RNF24: variants seen among roughly 807,000 people sequenced by gnomAD.
RNF24 encodes ring finger protein 24.
A neutral mutation model predicts 20.0 loss-of-function variants in RNF24; 14 were observed. The observed-to-expected ratio is 0.70, with a 90% CI of 0.46 to 1.10. The LOEUF (loss-of-function observed/expected upper bound fraction) is 1.10, where lower values mean the gene tolerates loss of function less well. RNF24 is among the 50% of genes least tolerant of loss of function. The probability of loss-of-function intolerance (pLI) is 0.00; values close to 1 mark genes in which losing one functional copy is unlikely to be tolerated. For synonymous variants in RNF24, 45 were observed against 61.1 expected (o/e 0.74, Z 1.23); for missense variants, 124 against 177.6 (o/e 0.70, Z 1.71).
At chr20:3,979,320 T>G (rs1451355199) in intron 1 of RNF24, among the ~76,000 whole-genome samples, 2 of 151,896 alleles carry the variant, frequency 1.3e-5, no homozygotes, top group Non-Finnish European at 2.9e-5. Context: ...TAAAATTAAC[T>G]CAACAATAAA....
chr20:3,967,973 CAAAAAAAAAAAAAAAA>C, intron 1 of RNF24, among the ~76,000 whole-genome samples: 1 of 77,180 alleles, frequency 1.3e-5, no homozygotes, highest in East Asian at 3.4e-4. Context: ...AGCCTGGCAA[CAAAAAAAAAAAAAAAA>C]AAAAAAGAAA....
chr20:3,964,694 T>A (rs982903687), intron 1 of RNF24, among the ~76,000 whole-genome samples: 15 of 152,148 alleles, frequency 9.9e-5, no homozygotes, highest in Non-Finnish European at 1.5e-4. Flanking sequence ...AGCTAATTTT[T>A]AAAAATTTTT....
intron 1 of RNF24, among the ~76,000 whole-genome samples, chr20:3,988,477 T>A (rs1980128357): frequency 1.1e-5 from 1 of 92,490 alleles, no homozygotes; most frequent in East Asian, 2.6e-4. Flanking sequence ...TTTTTTTTTT[T>A]GAGACATGGT....
At chr20:3,954,689 G>A (rs1395692102) in intron 2 of RNF24, among the ~76,000 whole-genome samples, 1 of 152,024 alleles carries the variant, frequency 6.6e-6, no homozygotes, top group African/African-American at 2.4e-5. Context: ...TGGATCATGA[G>A]GTCAGGAGTT....
chr20:3,974,394 G>A (rs748081645), intron 1 of RNF24: 2 of 1,547,428 alleles, frequency 1.3e-6, no homozygotes, highest in East Asian at 2.4e-5. Context: ...ACATAGTGCT[G>A]GAAGTTCTAG....
At chr20:4,004,663 C>T (rs1981700942) in intron 1 of RNF24, among the ~76,000 whole-genome samples, 1 of 152,118 alleles carries the variant, frequency 6.6e-6, no homozygotes, top group Non-Finnish European at 1.5e-5. Flanking sequence ...TGTGGAATCA[C>T]CAAAACCTGG....
At chr20:3,959,901 C>T (rs2091183317) in intron 2 of RNF24, among the ~76,000 whole-genome samples, 1 of 152,156 alleles carries the variant, frequency 6.6e-6, no homozygotes, top group Admixed American at 6.5e-5. Context: ...TGAGATATAA[C>T]AAACACAACA....
chr20:3,985,987 C>T (rs1400448990), intron 1 of RNF24, among the ~76,000 whole-genome samples: 1 of 152,116 alleles, frequency 6.6e-6, no homozygotes, highest in Admixed American at 6.5e-5. Flanking sequence ...TGGTCTTGAA[C>T]TCCTGACCTC....
intron 1 of RNF24, among the ~76,000 whole-genome samples, chr20:3,983,131 A>G (rs1276655954): frequency 6.6e-6 from 1 of 152,158 alleles, no homozygotes; most frequent in Non-Finnish European, 1.5e-5. Context: ...GGCTTCTAGA[A>G]CTGTGAGAAA....
intron 1 of RNF24, among the ~76,000 whole-genome samples, chr20:3,978,371 T>C (rs1979082104): frequency 8.4e-6 from 1 of 119,436 alleles, no homozygotes; most frequent in South Asian, 3.4e-4. Context: ...AAAAAATTAA[T>C]GTATATTTCA....
intron 4 of RNF24, among the ~76,000 whole-genome samples, chr20:3,944,209 C>CA (rs58334745): frequency 0.18 from 19,670 of 109,160 alleles, 1,658 homozygotes; most frequent in Non-Finnish European, 0.21. Flanking sequence ...GACCCCGTCT[C>CA]AAAAAAAAAA....
At chr20:3,991,247 C>CTTTTT (rs10599625) in intron 1 of RNF24, among the ~76,000 whole-genome samples, 1 of 82,780 alleles carries the variant, frequency 1.2e-5, no homozygotes. Flanking sequence ...TTTTAAACAA[C>CTTTTT]TTTTTTTTTT....
intron 2 of RNF24, among the ~76,000 whole-genome samples, chr20:3,949,736 A>G (rs570230595): frequency 6.6e-6 from 1 of 152,286 alleles, no homozygotes; most frequent in South Asian, 2.1e-4. Context: ...AGTTTATGAG[A>G]GTTCTAGGTG....
intron 2 of RNF24, among the ~76,000 whole-genome samples, chr20:3,962,456 G>A (rs2091212601): frequency 6.6e-6 from 1 of 152,060 alleles, no homozygotes; most frequent in Admixed American, 6.5e-5. Context: ...ATTAAATGCT[G>A]CAGCAAGTAT....
At chr20:3,974,670 G>T (rs761024397) in intron 1 of RNF24, among the ~76,000 whole-genome samples, 1 of 151,890 alleles carries the variant, frequency 6.6e-6, no homozygotes, top group Non-Finnish European at 1.5e-5. Flanking sequence ...TTCAAAAAAA[G>T]AAATACAAAG....
chr20:3,972,247 A>G (rs1978410606), intron 1 of RNF24, among the ~76,000 whole-genome samples: 1 of 152,256 alleles, frequency 6.6e-6, no homozygotes, highest in African/African-American at 2.4e-5. Context: ...ACAACTAGAT[A>G]GAAAACCAGC....
intron 3 of RNF24, among the ~76,000 whole-genome samples, chr20:3,947,660 A>G (rs1030789141): frequency 1.3e-5 from 2 of 152,224 alleles, no homozygotes; most frequent in Non-Finnish European, 2.9e-5. Flanking sequence ...TAAGAATTAC[A>G]AGCTATAGCA....
In RNF24 at chr20:3,975,780, T is replaced by A. The variant is rs74507587; in HGVS notation, c.-7-11756A>T. 6.3e-3 allele frequency among the ~76,000 whole-genome samples: 952 copies of A among 151,990 alleles called. 5 individuals are homozygous for A. The highest frequency in any genetic ancestry group is 9.3e-3 in the Non-Finnish European group (629 of 67,982). On this transcript the variant is annotated intron_variant, in intron 1 of 5. Transcript: ENST00000358395. ...CAGGAGGAGAGAATGCTGAGTGATA[T>A]AAGAAGCAGAGACTGAAGGATTGCT... is the stretch of plus-strand genomic sequence containing the variant.
At chr20:3,972,554 A>G (rs991410221) in intron 1 of RNF24, among the ~76,000 whole-genome samples, 1 of 152,248 alleles carries the variant, frequency 6.6e-6, no homozygotes, top group African/African-American at 2.4e-5. Flanking sequence ...ATAATCTATA[A>G]GTCAAAAAGA....
Sources: allele counts gnomAD v4.1 joint callset (sites outside exome capture counted in the v4.1 genomes callset), GRCh38; gene constraint gnomAD v4.1.1; transcripts MANE v1.5; gene names NCBI Gene and HGNC (gene_info 2026-07-23, HGNC 2026-07-21).